The following PDE4D variants were observed in gnomAD, a reference collection of about 807,000 sequenced individuals.
PDE4D encodes phosphodiesterase 4D, also known as 3',5'-cyclic-AMP phosphodiesterase 4D.
A neutral mutation model predicts 87.4 loss-of-function variants in PDE4D; 24 were observed. The ratio of observed to expected loss-of-function variants is 0.27; its 90% CI spans 0.20 to 0.39. PDE4D has a LOEUF of 0.39. Ranked by LOEUF, PDE4D falls within the 10% of genes least tolerant of loss-of-function variation. The pLI is 1.00. For synonymous variants in PDE4D, 384 were observed against 383.2 expected, an observed-to-expected ratio of 1.00 and a Z score of -0.02; for missense variants, 714 against 1,041.0, an observed-to-expected ratio of 0.69 and a Z score of 4.32.
chr5:59,920,150 A>G (rs775608359), intron 3 of PDE4D, among the ~76,000 whole-genome samples: 8 of 152,200 alleles, frequency 5.3e-5, no homozygotes, highest in Non-Finnish European at 1.0e-4. Context: ...ATGAAGAGGC[A>G]TATCTTTTTT....
intron 1 of PDE4D, chr5:59,586,880 C>T: frequency 2.0e-6 from 2 of 985,374 alleles, no homozygotes; most frequent in Non-Finnish European, 2.4e-6. Flanking sequence ...GCTTTTTCTT[C>T]TTTCTTAGGC....
intron 1 of PDE4D, among the ~76,000 whole-genome samples, chr5:59,782,501 T>G (rs1342213254): frequency 1.3e-5 from 2 of 152,198 alleles, no homozygotes; most frequent in Admixed American, 1.3e-4. Flanking sequence ...ATGGAACCAT[T>G]TCAGAGAAGG....
chr5:60,198,327 A>G (rs1216496163), intron 1 of PDE4D, among the ~76,000 whole-genome samples: 1 of 151,584 alleles, frequency 6.6e-6, no homozygotes. Flanking sequence ...CCCCTAAACA[A>G]AAGTAATTTA....
chr5:59,175,904 A>G (rs1337872439), intron 5 of PDE4D, among the ~76,000 whole-genome samples: 1 of 149,834 alleles, frequency 6.7e-6, no homozygotes, highest in Non-Finnish European at 1.5e-5. Context: ...AGCCGGGATT[A>G]TAGGGGTGTG....
At chr5:60,253,937 A>G (rs1354074766) in intron 1 of PDE4D, among the ~76,000 whole-genome samples, 1 of 151,942 alleles carries the variant, frequency 6.6e-6, no homozygotes, top group Non-Finnish European at 1.5e-5. Flanking sequence ...ATAAATTGCT[A>G]ACTCAACAAA....
In PDE4D at chr5:60,392,086, T is replaced by C. The variant is rs534379091; in HGVS notation, c.-90+95856A>G. On this transcript the variant is annotated intron_variant, in intron 1 of 16. Transcript: ENST00000502484. ...ATAAAACCTACTGACAGGACTATTATAAAATGAATTGTGGAGAAATCTTTT... is the reference window on the plus strand; with the variant it reads ...ATAAAACCTACTGACAGGACTATTACAAAATGAATTGTGGAGAAATCTTTT... 1.4e-4 allele frequency among the ~76,000 whole-genome samples: 22 copies of C among 152,328 alleles called. No individual in the cohort carries two copies. In the South Asian group the frequency reaches 3.9e-3, roughly 27 times the overall value.
chr5:59,868,078 C>T (rs996408989), intron 1 of PDE4D, among the ~76,000 whole-genome samples: 1 of 152,022 alleles, frequency 6.6e-6, no homozygotes, highest in African/African-American at 2.4e-5. Flanking sequence ...GTTGCAAAGT[C>T]AAGTAAAATT....
intron 1 of PDE4D, among the ~76,000 whole-genome samples, chr5:60,467,706 C>G (rs1350626759): frequency 6.6e-6 from 1 of 152,182 alleles, no homozygotes; most frequent in Non-Finnish European, 1.5e-5. Flanking sequence ...CCGATTAACT[C>G]CCAGCTCCCC....
intron 1 of PDE4D, among the ~76,000 whole-genome samples, chr5:59,750,771 T>C (rs1215551670): frequency 6.6e-6 from 1 of 151,726 alleles, no homozygotes. Flanking sequence ...CCCCCATCCC[T>C]ACAAAAAATA....
chr5:59,588,158 C>T (rs1047859688), intron 1 of PDE4D, among the ~76,000 whole-genome samples: 2 of 152,098 alleles, frequency 1.3e-5, no homozygotes, highest in African/African-American at 4.8e-5. Flanking sequence ...CATAAAACTG[C>T]TTGTTTGATT....
At chr5:59,678,811 C>T (rs1002075642) in intron 1 of PDE4D, among the ~76,000 whole-genome samples, 10 of 152,184 alleles carry the variant, frequency 6.6e-5, no homozygotes, top group Admixed American at 2.0e-4. Flanking sequence ...AACTCATTGA[C>T]GGTCAAAATA....
At chr5:59,919,733 C>T (rs929140492) in intron 3 of PDE4D, among the ~76,000 whole-genome samples, 26 of 152,100 alleles carry the variant, frequency 1.7e-4, no homozygotes, top group African/African-American at 6.0e-4. Context: ...AGGTCAGTGC[C>T]TGCCACAAAG....
intron 5 of PDE4D, among the ~76,000 whole-genome samples, chr5:59,083,986 T>A (rs1767236732): frequency 6.6e-6 from 1 of 151,952 alleles, no homozygotes. Flanking sequence ...TCTTAATGGG[T>A]TTTTTTGGGG....
At chr5:59,730,068 A>T (rs973701760) in intron 1 of PDE4D, among the ~76,000 whole-genome samples, 4 of 152,090 alleles carry the variant, frequency 2.6e-5, no homozygotes, top group Non-Finnish European at 5.9e-5. Context: ...GAATGAGCAG[A>T]TTCTAAGAGT....
intron 1 of PDE4D, among the ~76,000 whole-genome samples, chr5:59,490,087 ACT>A (rs1410799602): frequency 6.6e-6 from 1 of 151,844 alleles, no homozygotes; most frequent in Non-Finnish European, 1.5e-5. Flanking sequence ...AGCTCTTTGG[ACT>A]CTCTCATATG....
intron 1 of PDE4D, among the ~76,000 whole-genome samples, chr5:59,834,968 T>C (rs1038440476): frequency 6.6e-6 from 1 of 152,020 alleles, no homozygotes; most frequent in Non-Finnish European, 1.5e-5. Context: ...CATTAAAACC[T>C]GCTTTCAGGA....
chr5:59,927,152 T>G (rs1482877870), intron 3 of PDE4D, among the ~76,000 whole-genome samples: 1 of 152,214 alleles, frequency 6.6e-6, no homozygotes, highest in Non-Finnish European at 1.5e-5. Context: ...CAGTTTCTCT[T>G]GACTAATAGT....
chr5:59,356,743 G>T lies in PDE4D; in HGVS notation c.456-140775C>A, dbSNP rs776567994. The stretch of plus-strand genomic sequence containing the variant: ...TAAACAATTCTTCCTAGCTACAAAA[G>T]GAAAAGAGTAATACCTGTAGGACTT... On this transcript the variant is annotated intron_variant, in intron 1 of 14. Transcript: ENST00000340635. The T allele has an allele frequency of 4.1e-4, 642 of 1,565,326 alleles. 4 individuals carry two copies. Among genetic ancestry groups the T allele is most frequent in the Non-Finnish European group, 8.3e-5 (97 of 1,167,158 alleles).
intron 5 of PDE4D, among the ~76,000 whole-genome samples, chr5:59,091,637 T>C (rs1261072636): frequency 2.6e-5 from 4 of 151,878 alleles, no homozygotes; most frequent in Admixed American, 2.6e-4. Context: ...TAAAGAAAAG[T>C]AGGAAAAGTA....
Sources: allele counts gnomAD v4.1 joint callset (sites outside exome capture counted in the v4.1 genomes callset), GRCh38; gene constraint gnomAD v4.1.1; transcripts MANE v1.5; gene names NCBI Gene and HGNC (gene_info 2026-07-23, HGNC 2026-07-21).